The following MYO10 variants were observed in gnomAD, a reference collection of about 807,000 sequenced individuals.
MYO10 encodes unconventional myosin-X.
MYO10 carries 133 observed loss-of-function variants against 257.3 expected under a neutral mutation model. That is an observed-to-expected ratio of 0.52 (90% CI 0.45 to 0.60). The LOEUF (loss-of-function observed/expected upper bound fraction) is 0.60, where lower values mean the gene tolerates loss of function less well. Among genes scored for constraint, MYO10 ranks in the 20% least tolerant of loss-of-function variants. The pLI is 0.00. For synonymous variants in MYO10, 1,104 were observed against 1,028.6 expected (o/e 1.07, Z -1.40); for missense variants, 2,399 against 2,635.7 (o/e 0.91, Z 1.97).
In MYO10 at chr5:16,837,976, C is replaced by T. The variant is rs928184510; in HGVS notation, c.121-19809G>A. 2.6e-5 allele frequency among the ~76,000 whole-genome samples: 4 copies of T among 152,160 alleles called. No homozygotes were observed. The South Asian group carries it at 8.3e-4, about 32-fold the overall frequency. The stretch of plus-strand genomic sequence containing the variant: ...CTATTGTAATTGTTTGGGGGCGCCA[C>T]AAACCACACCCATACAAGACAGTGA... On this transcript the variant is annotated intron_variant, in intron 2 of 40. Transcript: ENST00000513610.
chr5:16,671,526 C>T lies in MYO10; in HGVS notation c.5326G>A (p.Glu1776Lys), dbSNP rs766063678. The T allele has an allele frequency of 1.1e-5, 17 of 1,613,818 alleles. No individual in the cohort carries two copies. Among genetic ancestry groups the T allele is most frequent in the Admixed American group, 6.7e-5 (4 of 59,990 alleles). ...AKFEKLAATS[E>K]VGDLPWKFYF... ...AATTTCCATGGCAGGTCCCCAACCTCGGATGTGGCAGCCAGCCTACAGAGA... is the reference window on the plus strand; with the variant it reads ...AATTTCCATGGCAGGTCCCCAACCTTGGATGTGGCAGCCAGCCTACAGAGA... Residue 1776 changes from glutamate to lysine, a missense_variant, in exon 38 of 41, where the codon GAG becomes AAG. Glu to Lys is a moderately conservative substitution (Grantham distance 56, BLOSUM62 1). Around this residue, in one of 3 missense-constraint regions of MYO10, gnomAD observed 1,820 missense variants for 1,939.4 expected, o/e 0.94. Transcript: ENST00000513610.
chr5:16,862,195 G>A (rs1744125644), intron 2 of MYO10, among the ~76,000 whole-genome samples: 1 of 152,182 alleles, frequency 6.6e-6, no homozygotes, highest in Non-Finnish European at 1.5e-5. Context: ...ACCCTGGGTT[G>A]GAACTCCAAA....
intron 25 of MYO10, among the ~76,000 whole-genome samples, chr5:16,699,904 T>A (rs1475625872): frequency 6.6e-6 from 1 of 151,664 alleles, no homozygotes; most frequent in Non-Finnish European, 1.5e-5. Flanking sequence ...ACTTTTAAGG[T>A]CAAATGGTCA....
intron 1 of MYO10, among the ~76,000 whole-genome samples, chr5:16,903,101 T>C (rs1580133871): frequency 6.6e-6 from 1 of 152,224 alleles, no homozygotes; most frequent in African/African-American, 2.4e-5. Flanking sequence ...AAACACCCTG[T>C]GAGTGAGTAA....
rs189306262 is a variant in MYO10, at chr5:16,833,255, C to T, written c.121-15088G>A. ...TTGAGATTGAGTCTTACTCTGTCGC[C>T]CAGGCTGGAGTGCAGTGGCATGATC... is the stretch of plus-strand genomic sequence containing the variant. On this transcript the variant is annotated intron_variant, in intron 2 of 40. Coordinates refer to ENST00000513610, the MANE Select transcript of MYO10 (RefSeq NM_012334.3). 4.1e-3 allele frequency among the ~76,000 whole-genome samples: 626 copies of T among 151,466 alleles called. 1 individual carries two copies. Among genetic ancestry groups the T allele is most frequent in the Non-Finnish European group, 6.2e-3 (422 of 67,898 alleles).
intron 27 of MYO10, among the ~76,000 whole-genome samples, chr5:16,693,145 A>G (rs1737580856): frequency 6.6e-6 from 1 of 152,264 alleles, no homozygotes; most frequent in East Asian, 1.9e-4. Flanking sequence ...GCACACACCT[A>G]TAGTCCCAAC....
At chr5:16,835,476 A>G (rs566686621) in intron 2 of MYO10, among the ~76,000 whole-genome samples, 39 of 147,478 alleles carry the variant, frequency 2.6e-4, no homozygotes, top group African/African-American at 7.7e-4. Context: ...AGATCACACC[A>G]AAGTCATTTT....
intron 2 of MYO10, among the ~76,000 whole-genome samples, chr5:16,841,134 G>A (rs1743467893): frequency 1.4e-5 from 2 of 145,868 alleles, no homozygotes; most frequent in African/African-American, 2.5e-5. Context: ...AACAAGAGCG[G>A]AAATGCATCT....
chr5:16,773,989 G>T (rs1290040563), intron 9 of MYO10, among the ~76,000 whole-genome samples: 1 of 152,166 alleles, frequency 6.6e-6, no homozygotes, highest in Non-Finnish European at 1.5e-5. Flanking sequence ...TAAAACTCCA[G>T]CAAGAGTCTC....
chr5:16,914,277 C>T (rs1745753847), intron 1 of MYO10, among the ~76,000 whole-genome samples: 1 of 152,188 alleles, frequency 6.6e-6, no homozygotes, highest in South Asian at 2.1e-4. Context: ...CAACAGCTGG[C>T]CATGCCGCCT....
intron 2 of MYO10, among the ~76,000 whole-genome samples, chr5:16,833,141 T>C (rs977517486): frequency 1.3e-5 from 2 of 152,172 alleles, no homozygotes; most frequent in Non-Finnish European, 2.9e-5. Context: ...GTTTCTCAAA[T>C]TAGAGTCCAA....
intron 27 of MYO10, 112 bp downstream of exon 27, chr5:16,694,259 G>A: frequency 6.6e-7 from 1 of 1,504,370 alleles, no homozygotes; most frequent in Non-Finnish European, 9.0e-7. Flanking sequence ...GAACTATCAG[G>A]ACACCTGCTA....
chr5:16,752,451 T>C (rs556002496), intron 19 of MYO10, among the ~76,000 whole-genome samples: 57 of 151,866 alleles, frequency 3.8e-4, no homozygotes, highest in African/African-American at 1.3e-3. Flanking sequence ...CCTGGCTAAT[T>C]TTTGTATTTT....
At chr5:16,776,780 T>G (rs1052140859) in intron 9 of MYO10, among the ~76,000 whole-genome samples, 53 of 152,208 alleles carry the variant, frequency 3.5e-4, no homozygotes, top group Admixed American at 1.3e-4. Flanking sequence ...ACGGAGTATC[T>G]GATTTCTCAG....
rs1272793410 is a variant in MYO10 at position 16,844,404 on chromosome 5, T to C, written c.121-26237A>G. Among the ~76,000 whole-genome samples the C allele has an allele frequency of 6.0e-5, 9 of 151,024 alleles. No homozygotes were observed. In the South Asian group the frequency reaches 1.9e-3, roughly 31 times the overall value. ...CTCCAACGATTTATCTAACTGGCTC[T>C]TCTCTTTTCATTTTTTTTTTAGTGT... On this transcript the variant is annotated intron_variant, in intron 2 of 40. Coordinates refer to ENST00000513610, the MANE Select transcript of MYO10 (RefSeq NM_012334.3).
intron 26 of MYO10, among the ~76,000 whole-genome samples, chr5:16,698,336 G>A (rs1276598991): frequency 6.6e-6 from 1 of 152,130 alleles, no homozygotes; most frequent in African/African-American, 2.4e-5. Flanking sequence ...CCTCTAGCTT[G>A]GGTAACAGAG....
intron 19 of MYO10, chr5:16,738,184 C>G: frequency 1.0e-6 from 1 of 985,270 alleles, no homozygotes. Flanking sequence ...TGGAGCCCAG[C>G]GAGTGAGAAA....
intron 15 of MYO10, 133 bp from the exon 16 acceptor site, chr5:16,762,246 T>C (rs1462877145): frequency 1.1e-5 from 13 of 1,177,540 alleles, no homozygotes; most frequent in Non-Finnish European, 1.5e-5. Context: ...GATCTGCGTT[T>C]CAGGACACGG....
chr5:16,882,390 T>C (rs527463648), intron 1 of MYO10, among the ~76,000 whole-genome samples: 5 of 152,316 alleles, frequency 3.3e-5, no homozygotes, highest in Admixed American at 2.6e-4. Flanking sequence ...TTATCATATA[T>C]GTCCCAACAA....
Sources: gnomAD v4.1 joint callset for allele counts (sites outside exome capture counted in the v4.1 genomes callset) on GRCh38, gnomAD v4.1.1 for gene constraint, gnomAD v4.1.1 regional missense constraint, MANE v1.5 for transcripts, NCBI Gene and HGNC (gene_info 2026-07-23, HGNC 2026-07-21) for gene names.